Variants in MAST4 observed in about 807,000 individuals in gnomAD.
MAST4 encodes microtubule associated serine/threonine kinase family member 4.
In MAST4, 89 loss-of-function variants were observed where a neutral mutation model predicts 162.7. That is an observed-to-expected ratio of 0.55 (90% CI 0.46 to 0.65). MAST4 has a LOEUF of 0.65. Among genes scored for constraint, MAST4 ranks in the 30% least tolerant of loss-of-function variants. MAST4 has a pLI of 0.00. For synonymous variants in MAST4, 1,479 were observed against 1,361.1 expected (o/e 1.09, Z -1.91); for missense variants, 3,153 against 3,374.0 (o/e 0.93, Z 1.62).
At chr5:67,026,691 T>C (rs1379198165) in intron 4 of MAST4, among the ~76,000 whole-genome samples, 1 of 152,184 alleles carries the variant, frequency 6.6e-6, no homozygotes, top group Non-Finnish European at 1.5e-5. Flanking sequence ...TCATTTATGC[T>C]AATCAGCATG....
rs550178097 is a variant in MAST4, at chr5:66,853,415, AAAAT to A, written c.643-46530_643-46527del. Among the ~76,000 whole-genome samples, 755 of 152,322 alleles carry A rather than the reference AAAAT, an allele frequency of 5.0e-3. 1 individual carries two copies. Among genetic ancestry groups the A allele is most frequent in the Non-Finnish European group, 7.6e-3 (519 of 68,034 alleles). ...TGTGGAAAAGCTGATGGTATTTTTA[AAAAT>A]AAATAGTATTAAAGAAGTGTTTCAT... On this transcript the variant is annotated intron_variant, in intron 3 of 28. Coordinates refer to ENST00000403625, the MANE Select transcript of MAST4 (RefSeq NM_001164664.2).
intron 5 of MAST4, among the ~76,000 whole-genome samples, chr5:67,087,591 A>G (rs1413923594): frequency 6.6e-6 from 1 of 151,580 alleles, no homozygotes; most frequent in East Asian, 2.0e-4. Context: ...CCTCTTACCT[A>G]AAACCTGCTA....
chr5:66,768,254 C>T (rs1754193728), intron 2 of MAST4, among the ~76,000 whole-genome samples: 1 of 152,150 alleles, frequency 6.6e-6, no homozygotes, highest in South Asian at 2.1e-4. Context: ...TTGTAAAGCA[C>T]TGAAGATGGT....
At chr5:66,904,541 G>A (rs2149991825) in intron 4 of MAST4, among the ~76,000 whole-genome samples, 1 of 152,292 alleles carries the variant, frequency 6.6e-6, no homozygotes, top group East Asian at 1.9e-4. Flanking sequence ...AAGCCGTGGT[G>A]CATTGTTTCA....
At chr5:66,746,178 G>T (rs1041662036) in intron 1 of MAST4, among the ~76,000 whole-genome samples, 3 of 152,090 alleles carry the variant, frequency 2.0e-5, no homozygotes, top group Non-Finnish European at 2.9e-5. Flanking sequence ...AAAAATTGCC[G>T]CCATAGAAAC....
At chr5:66,968,571 C>T (rs1221515800) in intron 4 of MAST4, among the ~76,000 whole-genome samples, 1 of 152,166 alleles carries the variant, frequency 6.6e-6, no homozygotes, top group Non-Finnish European at 1.5e-5. Flanking sequence ...TAGTTCCTGA[C>T]ATACGTAGAA....
At chr5:67,058,394 C>G (rs1308286580) in intron 5 of MAST4, among the ~76,000 whole-genome samples, 1 of 152,026 alleles carries the variant, frequency 6.6e-6, no homozygotes, top group African/African-American at 2.4e-5. Context: ...ATGTGTTTAC[C>G]CTTTTGCCCG....
Position 66,808,625 on chromosome 5 carries a change from C to T in MAST4, c.642+19831C>T, listed in dbSNP as rs1580502636. ...AGTGTCGTGTCTCTGTGTCCTCTCC[C>T]ATTGCCAGATCAGGGCCAGGGCACA... On this transcript the variant is annotated intron_variant, in intron 3 of 28. Transcript: ENST00000403625. Among the ~76,000 whole-genome samples, 4 of 152,330 alleles carry T rather than the reference C, an allele frequency of 2.6e-5. No individual in the cohort carries two copies. The East Asian group carries it at 7.7e-4, about 29-fold the overall frequency.
intron 4 of MAST4, among the ~76,000 whole-genome samples, chr5:66,969,538 C>G (rs1030351426): frequency 4.6e-5 from 7 of 152,154 alleles, no homozygotes; most frequent in African/African-American, 1.4e-4. Flanking sequence ...GTAGACAGCA[C>G]CTTAACAGGG....
rs1450834712 is a variant in MAST4 at position 67,167,054 on chromosome 5, G to T, written c.*3G>T. 8 of 1,574,554 alleles carry T rather than the reference G, an allele frequency of 5.1e-6. No homozygotes were observed. Among genetic ancestry groups the T allele is most frequent in the Non-Finnish European group, 6.9e-6 (8 of 1,159,928 alleles). On this transcript the variant is annotated 3_prime_UTR_variant, in exon 29 of 29. Coordinates refer to ENST00000403625, the MANE Select transcript of MAST4 (RefSeq NM_001164664.2). ...GCCCTCACAAAAAGGCCTTGTAACG[G>T]GGAGGGCCCAGGGGCAGGACTGTGG...
intron 4 of MAST4, among the ~76,000 whole-genome samples, chr5:66,960,754 T>A (rs190846671): frequency 2.9e-4 from 44 of 152,352 alleles, no homozygotes; most frequent in Middle Eastern, 3.4e-3. Context: ...TTCTTTCTTT[T>A]CTCAATCTTG....
At chr5:66,663,203 C>T (rs903188299) in intron 1 of MAST4, among the ~76,000 whole-genome samples, 2 of 152,124 alleles carry the variant, frequency 1.3e-5, no homozygotes, top group Admixed American at 6.5e-5. Context: ...TGCCACCCAC[C>T]TCAGTGCATG....
rs186726948 is a variant in MAST4 at position 66,864,649 on chromosome 5, C to G, written c.643-35302C>G. ...GTGTTATGGGTTGAATTATGTCCCC[C>G]CCCGAAAATACATGGAAGTCCTAAC... On this transcript the variant is annotated intron_variant, in intron 3 of 28. Transcript: ENST00000403625. Among the ~76,000 whole-genome samples the G allele has an allele frequency of 1.8e-3, 277 of 151,506 alleles. 2 individuals carry two copies. Among genetic ancestry groups the G allele is most frequent in the African/African-American group, 6.4e-3 (263 of 41,322 alleles).
At chr5:66,852,976 G>A (rs749256115) in intron 3 of MAST4, among the ~76,000 whole-genome samples, 4 of 152,218 alleles carry the variant, frequency 2.6e-5, no homozygotes. Context: ...TGTCATAGTG[G>A]ATGGTACACC....
Position 66,774,995 on chromosome 5 carries a change from C to CTGTGTG in MAST4, c.518-13639_518-13634dup, listed in dbSNP as rs33936607. ...TAGACATTCGTTCAATATCCTTTTC[C>CTGTGTG]TGTGTGTGTGTGTGTGTGTGTGTGT... On this transcript the variant is annotated intron_variant, in intron 2 of 28. Transcript: ENST00000403625. Among the ~76,000 whole-genome samples, 413 of 142,148 alleles carry CTGTGTG rather than the reference C, an allele frequency of 2.9e-3. 4 individuals carry two copies. The highest frequency in any genetic ancestry group is 9.5e-3 in the African/African-American group (357 of 37,610). The allele number at this position is 142,148 out of a possible 152,430, so 93.3% of individuals were successfully genotyped here.
At chr5:66,771,606 C>G (rs1212853144) in intron 2 of MAST4, among the ~76,000 whole-genome samples, 1 of 152,178 alleles carries the variant, frequency 6.6e-6, no homozygotes, top group African/African-American at 2.4e-5. Context: ...CCCCCACTCC[C>G]CTGCTCATTT....
chr5:66,810,534 T>C (rs1756425811), intron 3 of MAST4, among the ~76,000 whole-genome samples: 1 of 152,200 alleles, frequency 6.6e-6, no homozygotes, highest in South Asian at 2.1e-4. Context: ...CCACACCTAC[T>C]GCAAGGAAGG....
intron 13 of MAST4, 22 bp downstream of exon 13, chr5:67,118,771 A>G: frequency 7.0e-7 from 1 of 1,433,936 alleles, no homozygotes; most frequent in African/African-American, 1.4e-5. Flanking sequence ...TCTTGATGAA[A>G]TATGATGTTG....
chr5:67,152,844 A>G lies in MAST4; in HGVS notation c.3503A>G (p.Tyr1168Cys), dbSNP rs1427094661. The G allele has an allele frequency of 6.2e-7, 1 of 1,614,020 alleles. No homozygotes were observed. The highest frequency in any genetic ancestry group is 8.5e-7 in the Non-Finnish European group (1 of 1,179,854). Reference sequence around the variant, plus strand: ...GTGTATGTGGGAGACAGTGACATCTATACAGTGCACCATATCGTCTGGGTA... The same window carrying G: ...GTGTATGTGGGAGACAGTGACATCTGTACAGTGCACCATATCGTCTGGGTA... ...IRVYVGDSDI[Y>C]TVHHIVWNVE... Residue 1168 changes from tyrosine to cysteine, a missense_variant, in exon 25 of 29, where the codon TAT (tyrosine) becomes TGT (cysteine). Tyr to Cys is a radical substitution (Grantham distance 194, BLOSUM62 -2). Transcript: ENST00000403625.
Sources: allele counts gnomAD v4.1 joint callset (sites outside exome capture counted in the v4.1 genomes callset), GRCh38; gene constraint gnomAD v4.1.1; transcripts MANE v1.5; gene names NCBI Gene and HGNC (gene_info 2026-07-23, HGNC 2026-07-21).